The following C17orf67 variants were observed in gnomAD, a reference collection of about 807,000 sequenced individuals.
C17orf67 encodes the protein uncharacterized protein C17orf67.
In C17orf67, 12 loss-of-function variants were observed where a neutral mutation model predicts 11.2. The observed-to-expected ratio is 1.07, with a 90% CI of 0.68 to 1.73. C17orf67 has a LOEUF of 1.73. Ranked by LOEUF, C17orf67 falls within the 40% of genes most tolerant of loss-of-function variation. The pLI is 0.00. For missense variants in C17orf67, 115 were observed against 113.5 expected (o/e 1.01, Z -0.06); for synonymous variants, 59 against 46.9 (o/e 1.26, Z -1.05).
intron 6 of C17orf67, among the ~76,000 whole-genome samples, chr17:56,807,835 A>G (rs1379973681): frequency 1.3e-5 from 2 of 151,922 alleles, no homozygotes; most frequent in Non-Finnish European, 2.9e-5. Context: ...GACTCCAGTG[A>G]GCCATGATCG....
intron 6 of C17orf67, among the ~76,000 whole-genome samples, chr17:56,807,310 G>A (rs1905476892): frequency 6.6e-6 from 1 of 152,218 alleles, no homozygotes; most frequent in African/African-American, 2.4e-5. Context: ...GATCAATTGT[G>A]TCAAAACAAA....
intron 6 of C17orf67, among the ~76,000 whole-genome samples, chr17:56,814,163 G>A (rs1905697602): frequency 6.6e-6 from 1 of 152,178 alleles, no homozygotes; most frequent in Non-Finnish European, 1.5e-5. Context: ...TGGGAGACCA[G>A]CCTGACAGAC....
chr17:56,827,470 A>G (rs554480773), intron 2 of C17orf67, among the ~76,000 whole-genome samples: 1 of 152,352 alleles, frequency 6.6e-6, no homozygotes, highest in South Asian at 2.1e-4. Flanking sequence ...GAGAAAGGAA[A>G]TCAGAATCTG....
chr17:56,794,493 TG>T (rs1319843292), intron 7 of C17orf67, among the ~76,000 whole-genome samples: 2 of 147,098 alleles, frequency 1.4e-5, no homozygotes, highest in South Asian at 2.2e-4. Flanking sequence ...ATGCAGGGTG[TG>T]GGGGGAAAGC....
chr17:56,799,882 G>A (rs1905278748), intron 6 of C17orf67, among the ~76,000 whole-genome samples: 2 of 151,106 alleles, frequency 1.3e-5, no homozygotes, highest in Non-Finnish European at 2.9e-5. Context: ...GTCTATTCAA[G>A]TCTTTTGTCA....
chr17:56,804,966 TTTC>T (rs1264314162), intron 6 of C17orf67, among the ~76,000 whole-genome samples: 1 of 152,182 alleles, frequency 6.6e-6, no homozygotes, highest in East Asian at 1.9e-4. Flanking sequence ...TCCCACAAAA[TTTC>T]TACCCTGGAG....
intron 6 of C17orf67, among the ~76,000 whole-genome samples, chr17:56,800,126 C>T (rs546536395): frequency 1.5e-5 from 2 of 132,048 alleles, no homozygotes; most frequent in African/African-American, 2.9e-5. Flanking sequence ...AGTGCAGTGG[C>T]GCCATCGCGG....
intron 6 of C17orf67, among the ~76,000 whole-genome samples, chr17:56,805,673 C>T (rs940751331): frequency 6.6e-6 from 1 of 152,020 alleles, no homozygotes; most frequent in Non-Finnish European, 1.5e-5. Context: ...TTCATTTTCT[C>T]GGAATATACC....
chr17:56,794,690 A>G (rs1247133995), intron 7 of C17orf67, among the ~76,000 whole-genome samples: 1 of 152,056 alleles, frequency 6.6e-6, no homozygotes, highest in Non-Finnish European at 1.5e-5. Context: ...TCACAGGTTG[A>G]CTCCACGAAT....
chr17:56,830,523 T>C (rs193192186), intron 2 of C17orf67, among the ~76,000 whole-genome samples: 315 of 152,360 alleles, frequency 2.1e-3, no homozygotes, highest in African/African-American at 7.1e-3. Flanking sequence ...AAGAGTGATG[T>C]AGGGAGAGAT....
chr17:56,808,022 G>A (rs1719348037), intron 6 of C17orf67, among the ~76,000 whole-genome samples: 1 of 152,182 alleles, frequency 6.6e-6, no homozygotes, highest in Non-Finnish European at 1.5e-5. Context: ...CCTTCGGAGA[G>A]GGTTCATCCC....
intron 6 of C17orf67, among the ~76,000 whole-genome samples, chr17:56,801,728 C>T (rs1480803383): frequency 6.6e-6 from 1 of 152,212 alleles, no homozygotes; most frequent in Non-Finnish European, 1.5e-5. Flanking sequence ...GGATTTGGGG[C>T]TGAGTTCCTT....
chr17:56,795,041 T>C lies in C17orf67; in HGVS notation c.*20+3A>G, dbSNP rs760542929. 7 of 1,589,302 alleles carry C rather than the reference T, an allele frequency of 4.4e-6. No individual in the cohort carries two copies. The highest frequency in any genetic ancestry group is 6.0e-6 in the Non-Finnish European group (7 of 1,157,980). On this transcript the variant is annotated splice_donor_region_variant and intron_variant, in intron 7 of 7. Coordinates refer to ENST00000397861, the MANE Select transcript of C17orf67 (RefSeq NM_001085430.4). ...GAGGTCCGGGAGAGAGAAGGAGACG[T>C]ACCGAGGCTGGTCCTGATCCCCTTA...
intron 4 of C17orf67, among the ~76,000 whole-genome samples, chr17:56,822,027 T>A (rs990059790): frequency 6.6e-6 from 1 of 152,250 alleles, no homozygotes; most frequent in Non-Finnish European, 1.5e-5. Flanking sequence ...GCCAAGTTTA[T>A]GCAGATCTGT....
chr17:56,796,238 A>G (rs1905211897), intron 6 of C17orf67, among the ~76,000 whole-genome samples: 1 of 152,238 alleles, frequency 6.6e-6, no homozygotes, highest in Non-Finnish European at 1.5e-5. Context: ...AAAAACTTGT[A>G]TACAGATGTT....
At chr17:56,821,480 G>A (rs1052990696) in intron 4 of C17orf67, among the ~76,000 whole-genome samples, 1 of 152,090 alleles carries the variant, frequency 6.6e-6, no homozygotes, top group Non-Finnish European at 1.5e-5. Flanking sequence ...TGGTGCTTAT[G>A]GGTCTAGATC....
At chr17:56,815,719 AGCATAG>A (rs1238846568) in intron 5 of C17orf67, 31 bp downstream of exon 5, 1 of 1,553,762 alleles carries the variant, frequency 6.4e-7, no homozygotes, top group Non-Finnish European at 8.8e-7. Context: ...TTATCATGTC[AGCATAG>A]AAATAGGCTG....
chr17:56,807,101 G>A (rs1344564091), intron 6 of C17orf67, among the ~76,000 whole-genome samples: 2 of 152,018 alleles, frequency 1.3e-5, no homozygotes, highest in Admixed American at 6.5e-5. Flanking sequence ...AGTGTGTGCC[G>A]TCAGCAGGGA....
At chr17:56,829,104 C>T (rs1450229111) in intron 2 of C17orf67, among the ~76,000 whole-genome samples, 1 of 151,940 alleles carries the variant, frequency 6.6e-6, no homozygotes, top group Non-Finnish European at 1.5e-5. Context: ...CAGTGAAACC[C>T]ATCTCTACTA....
Sources: allele counts gnomAD v4.1 joint callset (sites outside exome capture counted in the v4.1 genomes callset), GRCh38; gene constraint gnomAD v4.1.1; transcripts MANE v1.5; gene names NCBI Gene and HGNC (gene_info 2026-07-23, HGNC 2026-07-21).